The following EMC2 variants were observed in gnomAD, a reference collection of about 807,000 sequenced individuals.
EMC2 encodes TPR repeat protein 35.
Under a neutral mutation model 51.6 loss-of-function variants are expected in EMC2, and 37 were observed. The ratio of observed to expected loss-of-function variants is 0.72; its 90% CI spans 0.55 to 0.94. EMC2 has a LOEUF of 0.94. Among genes scored for constraint, EMC2 ranks in the 40% least tolerant of loss-of-function variants. The pLI is 0.00. For synonymous variants in EMC2, 131 were observed against 112.4 expected (o/e 1.17, Z -1.04); for missense variants, 359 against 350.9 (o/e 1.02, Z -0.18).
chr8:108,443,862 G>A, intron 1 of EMC2, among the ~76,000 whole-genome samples, 164 bp downstream of exon 1: 1 of 152,164 alleles, frequency 6.6e-6, no homozygotes, highest in East Asian at 1.9e-4. Context: ...CCCTTCCCTT[G>A]GCCCGGACGC....
chr8:108,466,534 C>T (rs1251668928), intron 5 of EMC2, among the ~76,000 whole-genome samples: 2 of 141,078 alleles, frequency 1.4e-5, no homozygotes, highest in Non-Finnish European at 3.0e-5. Context: ...CTCACTGTAA[C>T]CTCTGACTCC....
intron 5 of EMC2, among the ~76,000 whole-genome samples, chr8:108,460,199 G>C (rs941363669): frequency 2.0e-5 from 3 of 152,136 alleles, no homozygotes; most frequent in Non-Finnish European, 4.4e-5. Flanking sequence ...GTCAATTTTG[G>C]AATTAGGAGT....
intron 9 of EMC2, among the ~76,000 whole-genome samples, chr8:108,477,310 T>C (rs925798706): frequency 3.9e-5 from 6 of 151,958 alleles, no homozygotes; most frequent in Admixed American, 3.3e-4. Context: ...ATTAAAACAT[T>C]TTTTATGGTG....
Position 108,486,698 on chromosome 8 carries a change from A to G in EMC2, c.*100A>G. On this transcript the variant is annotated 3_prime_UTR_variant, in exon 11 of 11. Transcript: ENST00000220853. ...ATGCTCAGTGCTATTTATATACTAC[A>G]GTAATTTTCTGTTAAGAAGGCAGTT... The G allele has an allele frequency of 1.7e-6, 2 of 1,191,296 alleles. No homozygotes were observed. Among genetic ancestry groups the G allele is most frequent in the Non-Finnish European group, 2.3e-6 (2 of 885,214 alleles). 73.8% of individuals were successfully genotyped at this position (1,191,296 alleles called of 1,614,324 possible). A position where few individuals can be genotyped will look rare whatever the true frequency, so the allele number is the denominator to read the frequency against.
chr8:108,458,267 G>A (rs753021749), intron 5 of EMC2, among the ~76,000 whole-genome samples: 6 of 152,218 alleles, frequency 3.9e-5, no homozygotes, highest in Non-Finnish European at 8.8e-5. Flanking sequence ...GGTGCAAGCT[G>A]TCAGTGGTTC....
chr8:108,472,843 T>C (rs1420559872), intron 7 of EMC2, among the ~76,000 whole-genome samples: 1 of 152,020 alleles, frequency 6.6e-6, no homozygotes, highest in Non-Finnish European at 1.5e-5. Context: ...TTTTTAAGTA[T>C]AATAGGTCGC....
intron 5 of EMC2, among the ~76,000 whole-genome samples, chr8:108,468,018 G>T (rs1810763340): frequency 6.6e-6 from 1 of 152,176 alleles, no homozygotes; most frequent in Non-Finnish European, 1.5e-5. Context: ...AGTGATAAGA[G>T]TTGGGATTCA....
At chr8:108,455,622 A>AT (rs1008493419) in intron 4 of EMC2, among the ~76,000 whole-genome samples, 1 of 152,034 alleles carries the variant, frequency 6.6e-6, no homozygotes, top group Non-Finnish European at 1.5e-5. Flanking sequence ...TTGAATCAGT[A>AT]TTTTTTTAAG....
intron 5 of EMC2, among the ~76,000 whole-genome samples, chr8:108,458,103 T>A (rs1819212651): frequency 6.6e-6 from 1 of 152,208 alleles, no homozygotes; most frequent in African/African-American, 2.4e-5. Flanking sequence ...TGCAGAATGA[T>A]CTCCTTTGAC....
intron 7 of EMC2, 29 bp from the exon 8 acceptor site, chr8:108,475,853 A>G (rs1335060055): frequency 2.2e-6 from 3 of 1,374,780 alleles, no homozygotes; most frequent in South Asian, 1.3e-5. Flanking sequence ...GACTTTAAAA[A>G]TTAATTTCTC....
intron 7 of EMC2, chr8:108,475,610 G>A (rs984461729): frequency 1.6e-5 from 5 of 321,924 alleles, no homozygotes; most frequent in African/African-American, 8.9e-5. Context: ...GGATGTAGTA[G>A]GAGTGACCCA....
At chr8:108,453,037 T>TA (rs1396773282) in intron 3 of EMC2, 25 bp from the exon 4 acceptor site, 2 of 1,390,826 alleles carry the variant, frequency 1.4e-6, no homozygotes, top group East Asian at 4.7e-5. Flanking sequence ...ATAATGTAAT[T>TA]ACTACTCAAC....
intron 5 of EMC2, among the ~76,000 whole-genome samples, chr8:108,457,655 C>T (rs575707518): frequency 6.6e-6 from 1 of 152,194 alleles, no homozygotes; most frequent in East Asian, 1.9e-4. Context: ...AAGAACAGTG[C>T]AGGAGATACC....
At chr8:108,452,913 C>T (rs1172542263) in intron 3 of EMC2, 149 bp from the exon 4 acceptor site, 3 of 453,114 alleles carry the variant, frequency 6.6e-6, no homozygotes, top group Middle Eastern at 4.5e-4. Flanking sequence ...TCTTTCAATC[C>T]ATTATTTGTT....
chr8:108,475,797 A>G (rs1462975453), intron 7 of EMC2, 85 bp from the exon 8 acceptor site: 2 of 709,180 alleles, frequency 2.8e-6, no homozygotes, highest in African/African-American at 1.9e-5. Flanking sequence ...ACATGACTAA[A>G]GTTGTTTTTA....
In EMC2 at chr8:108,486,488, C is replaced by CTTTTT. The variant is rs34429579; in HGVS notation, c.808-11_808-7dup. On this transcript the variant is annotated intron_variant, in intron 10 of 10. Coordinates refer to ENST00000220853, the MANE Select transcript of EMC2 (RefSeq NM_014673.5). Reference sequence around the variant, plus strand: ...GCCACTGAAATTGAGCCTAATTGAGCTTTTTTTTTTTTTTTTTAATTAGTT... The same window carrying CTTTTT: ...GCCACTGAAATTGAGCCTAATTGAGCTTTTTTTTTTTTTTTTTTTTTTAATTAGTT... 7.7e-4 allele frequency: 1,024 copies of CTTTTT among 1,322,564 alleles called. 36 individuals carry two copies. Among genetic ancestry groups the CTTTTT allele is most frequent in the South Asian group, 3.3e-3 (173 of 51,778 alleles). The allele number at this position is 1,322,564 out of a possible 1,614,324, so 81.9% of individuals were successfully genotyped here. A position where few individuals can be genotyped will look rare whatever the true frequency, so the allele number is the denominator to read the frequency against.
At chr8:108,469,783 A>G (rs1006581775) in intron 5 of EMC2, 43 bp from the exon 6 acceptor site, 6 of 1,508,060 alleles carry the variant, frequency 4.0e-6, no homozygotes, top group African/African-American at 2.8e-5. Context: ...CAAAACCCCA[A>G]GGAATCATAA....
In EMC2 at chr8:108,466,959, T is replaced by G. The variant is rs1810734167; in HGVS notation, c.364-2867T>G. Among the ~76,000 whole-genome samples the G allele has an allele frequency of 3.9e-5, 6 of 152,130 alleles. No homozygotes were observed. The South Asian group carries it at 1.0e-3, about 26-fold the overall frequency. On this transcript the variant is annotated intron_variant, in intron 5 of 10. Transcript: ENST00000220853. Reference sequence around the variant, plus strand: ...GAGTTGGACAGCTGAGTATTAAGTGTCCAGAGAGCAAGAGACTATGGCAAA... The same window carrying G: ...GAGTTGGACAGCTGAGTATTAAGTGGCCAGAGAGCAAGAGACTATGGCAAA...
intron 5 of EMC2, among the ~76,000 whole-genome samples, chr8:108,460,665 A>G (rs6469187): frequency 0.17 from 25,425 of 152,172 alleles, 3,790 homozygotes; most frequent in African/African-American, 0.4. Flanking sequence ...TTGGATCCTT[A>G]TTGCTGTGAT....
Sources: allele counts gnomAD v4.1 joint callset (sites outside exome capture counted in the v4.1 genomes callset), GRCh38; gene constraint gnomAD v4.1.1; transcripts MANE v1.5; gene names NCBI Gene and HGNC (gene_info 2026-07-23, HGNC 2026-07-21).